Variants in GBF1 observed in about 807,000 individuals in gnomAD.
GBF1 encodes Golgi-specific brefeldin A-resistance guanine nucleotide exchange factor 1.
Under a neutral mutation model 210.5 loss-of-function variants are expected in GBF1, and 114 were observed. The observed-to-expected ratio is 0.54, with a 90% CI of 0.47 to 0.63. The LOEUF (loss-of-function observed/expected upper bound fraction) is 0.63, where lower values mean the gene tolerates loss of function less well. Ranked by LOEUF, GBF1 falls within the 30% of genes least tolerant of loss-of-function variation. GBF1 has a pLI of 0.00. For synonymous variants in GBF1, 850 were observed against 889.2 expected (o/e 0.96, Z 0.78); for missense variants, 1,851 against 2,357.7 (o/e 0.79, Z 4.45).
intron 3 of GBF1, among the ~76,000 whole-genome samples, chr10:102,296,578 A>C (rs546462517): frequency 3.3e-5 from 5 of 152,176 alleles, no homozygotes; most frequent in Admixed American, 2.6e-4. Flanking sequence ...CCCCATCTCT[A>C]CTAAAAAGAC....
chr10:102,252,687 A>G (rs1316108002), intron 1 of GBF1, among the ~76,000 whole-genome samples: 1 of 152,116 alleles, frequency 6.6e-6, no homozygotes, highest in Non-Finnish European at 1.5e-5. Context: ...TCTACAAAAA[A>G]TACAAAAAAA....
intron 3 of GBF1, among the ~76,000 whole-genome samples, chr10:102,311,075 T>C (rs1322970901): frequency 6.6e-6 from 1 of 152,194 alleles, no homozygotes; most frequent in Non-Finnish European, 1.5e-5. Flanking sequence ...AAGTACCCCA[T>C]GTCCAGGGAG....
At position 102,365,414 on chromosome 10, in the gene GBF1, A is replaced by G. The variant is rs759059853; in HGVS notation, c.2124A>G (p.Thr708=). The change falls in exon 18 of 40, where the codon ACA becomes ACG. Residue 708 remains threonine (T), a synonymous_variant. Coordinates refer to ENST00000369983, the MANE Select transcript of GBF1 (RefSeq NM_001377137.1). ...KNKKKLLITG[T]EQFNQKPKKG... The stretch of plus-strand genomic sequence containing the variant: ...TCATGCAGCTGCTAATCACTGGCAC[A>G]GAGCAGTTCAATCAGAAACCAAAGA... 6 of 1,613,888 alleles carry G rather than the reference A, an allele frequency of 3.7e-6. No individual in the cohort carries two copies. The African/African-American group carries it at 8.0e-5, about 22-fold the overall frequency.
chr10:102,314,105 G>A (rs2078720878), intron 3 of GBF1, among the ~76,000 whole-genome samples: 2 of 149,776 alleles, frequency 1.3e-5, no homozygotes, highest in African/African-American at 4.9e-5. Context: ...AAAGACATAA[G>A]CTCAAACTAA....
At chr10:102,231,026 A>G in the GBF1 span, 30 of 1,600,806 alleles carry the variant, frequency 1.9e-5, no homozygotes, top group African/African-American at 4.0e-4. Context: ...GGCGCCGCGA[A>G]GCTGCCTTTG....
intron 3 of GBF1, among the ~76,000 whole-genome samples, chr10:102,269,136 A>G (rs1313014486): frequency 6.6e-6 from 1 of 152,192 alleles, no homozygotes; most frequent in African/African-American, 2.4e-5. Context: ...CTGTAACATC[A>G]GCATTCTGTT....
In GBF1 at chr10:102,246,331, G is replaced by A. The variant is rs139047984; in HGVS notation, c.-11+550G>A. Among the ~76,000 whole-genome samples, 678 of 152,310 alleles carry A rather than the reference G, an allele frequency of 4.5e-3. 3 individuals carry two copies. Among genetic ancestry groups the A allele is most frequent in the Admixed American group, 0.01 (156 of 15,300 alleles). ...TGAGGTTATAGCAGCGCAGGGAACT[G>A]GGCTATGAGAAGGCTTCCCTCTTAC... On this transcript the variant is annotated intron_variant, in intron 1 of 39. Transcript: ENST00000369983.
At chr10:102,312,992 C>T (rs1451341936) in intron 3 of GBF1, among the ~76,000 whole-genome samples, 4 of 152,050 alleles carry the variant, frequency 2.6e-5, no homozygotes, top group Non-Finnish European at 1.5e-5. Flanking sequence ...GAAATGCACA[C>T]CTTAGCCCTG....
chr10:102,256,884 C>T (rs1048049347), intron 1 of GBF1, among the ~76,000 whole-genome samples: 1 of 152,078 alleles, frequency 6.6e-6, no homozygotes, highest in Non-Finnish European at 1.5e-5. Flanking sequence ...ACAAAAAGTA[C>T]AAAAATTAGT....
chr10:102,308,848 A>G (rs1235338681), intron 3 of GBF1, among the ~76,000 whole-genome samples: 2 of 152,012 alleles, frequency 1.3e-5, no homozygotes, highest in Non-Finnish European at 1.5e-5. Context: ...CACATTGTGC[A>G]CATGTACCCT....
chr10:102,379,590 C>G lies in GBF1; in HGVS notation c.4715C>G (p.Ala1572Gly), dbSNP rs760320312. ...RMQALTYLQR[A>G]LLVHDLQKLD... ...CAGGCACTGACCTATCTGCAGCGAG[C>G]ACTACTTGTACATGATCTGCAAAAG... Residue 1572 changes from alanine (A) to glycine (G), a missense_variant, in exon 35 of 40, where the codon GCA becomes GGA. Ala to Gly is a moderately conservative substitution (Grantham distance 60, BLOSUM62 0). Coordinates refer to ENST00000369983, the MANE Select transcript of GBF1 (RefSeq NM_001377137.1). 4 of 1,613,980 alleles carry G rather than the reference C, an allele frequency of 2.5e-6. No homozygotes were observed. In the South Asian group the frequency reaches 4.4e-5, roughly 18 times the overall value.
intron 3 of GBF1, among the ~76,000 whole-genome samples, chr10:102,305,698 A>G (rs1473849679): frequency 1.3e-5 from 2 of 152,200 alleles, no homozygotes; most frequent in Non-Finnish European, 2.9e-5. Context: ...CTGGAGTGCC[A>G]TGACGCAAGA....
chr10:102,336,327 A>AG (rs1453379771), intron 3 of GBF1, among the ~76,000 whole-genome samples: 2 of 150,840 alleles, frequency 1.3e-5, no homozygotes, highest in African/African-American at 4.9e-5. Flanking sequence ...AAAAAAAAAA[A>AG]GAAAGAAATG....
intron 3 of GBF1, among the ~76,000 whole-genome samples, chr10:102,306,050 A>G (rs2077834745): frequency 6.6e-6 from 1 of 151,930 alleles, no homozygotes; most frequent in Non-Finnish European, 1.5e-5. Context: ...AGGTTACTAT[A>G]TATATATACA....
At chr10:102,265,677 C>A (rs1191866532) in intron 3 of GBF1, among the ~76,000 whole-genome samples, 1 of 151,942 alleles carries the variant, frequency 6.6e-6, no homozygotes, top group African/African-American at 2.4e-5. Context: ...AAGAGTGAGA[C>A]CCTTTCAATG....
chr10:102,243,146 A>G (rs940684497), upstream of GBF1, among the ~76,000 whole-genome samples: 1 of 151,984 alleles, frequency 6.6e-6, no homozygotes, highest in African/African-American at 2.4e-5. Flanking sequence ...TGTGAAAGTA[A>G]CCCATCTTTA....
chr10:102,302,978 A>G (rs1488967914), intron 3 of GBF1, among the ~76,000 whole-genome samples: 3 of 144,754 alleles, frequency 2.1e-5, no homozygotes, highest in Non-Finnish European at 4.5e-5. Context: ...TCTTTGATCC[A>G]TTTTAAGCTT....
intron 3 of GBF1, among the ~76,000 whole-genome samples, chr10:102,276,353 C>T (rs1050623300): frequency 3.3e-5 from 5 of 151,520 alleles, no homozygotes; most frequent in Non-Finnish European, 7.4e-5. Flanking sequence ...GGTGAAACCC[C>T]GTCTCTACTA....
intron 3 of GBF1, among the ~76,000 whole-genome samples, chr10:102,296,247 A>T (rs1332208607): frequency 6.6e-6 from 1 of 152,158 alleles, no homozygotes; most frequent in Non-Finnish European, 1.5e-5. Context: ...TTATGAAAAA[A>T]ACTGCCCAAC....
Sources: gnomAD v4.1 joint callset for allele counts (sites outside exome capture counted in the v4.1 genomes callset) on GRCh38, gnomAD v4.1.1 for gene constraint, MANE v1.5 for transcripts, NCBI Gene and HGNC (gene_info 2026-07-23, HGNC 2026-07-21) for gene names.